GALNT10: variants seen among roughly 807,000 people sequenced by gnomAD.
GALNT10 encodes GalNAc transferase 10.
In GALNT10, 41 loss-of-function variants were observed where a neutral mutation model predicts 75.0. That is an observed-to-expected ratio of 0.55 (90% confidence interval 0.43 to 0.71). The LOEUF is 0.71. Among genes scored for constraint, GALNT10 ranks in the 30% least tolerant of loss-of-function variants. The probability of loss-of-function intolerance (pLI) is 0.00; values close to 1 mark genes in which losing one functional copy is unlikely to be tolerated. For missense variants in GALNT10, 727 were observed against 818.5 expected (o/e 0.89, Z 1.36); for synonymous variants, 302 against 313.0 (o/e 0.96, Z 0.37).
intron 4 of GALNT10, among the ~76,000 whole-genome samples, chr5:154,368,082 G>C (rs1372732220): frequency 6.6e-6 from 1 of 152,172 alleles, no homozygotes; most frequent in Non-Finnish European, 1.5e-5. Context: ...CACAGGGAAG[G>C]CTTGTTAAAA....
At chr5:154,250,147 CTT>C (rs1753491918) in intron 1 of GALNT10, among the ~76,000 whole-genome samples, 2 of 152,172 alleles carry the variant, frequency 1.3e-5, no homozygotes, top group African/African-American at 4.8e-5. Context: ...AAGTGGTAAA[CTT>C]AAACTGGCTG....
rs76584451 is a variant in GALNT10 at position 154,374,288 on chromosome 5, G to A, written c.569-1989G>A. ...GTGCACAAGCAAGAAAAGACCTGGA[G>A]CATTTTTTAGCCTTCTAGCCTCTGG... On this transcript the variant is annotated intron_variant, in intron 4 of 11. Transcript: ENST00000297107. 2.0e-3 allele frequency among the ~76,000 whole-genome samples: 306 copies of A among 152,260 alleles called. 2 individuals carry two copies. Among genetic ancestry groups the A allele is most frequent in the African/African-American group, 7.0e-3 (292 of 41,556 alleles).
intron 3 of GALNT10, among the ~76,000 whole-genome samples, chr5:154,318,314 A>G (rs907976429): frequency 2.0e-5 from 3 of 152,248 alleles, no homozygotes; most frequent in Non-Finnish European, 2.9e-5. Context: ...GGATTGTTGC[A>G]TGGCAGAGCA....
chr5:154,329,717 G>T lies in GALNT10; in HGVS notation c.547G>T (p.Val183Phe). 1.9e-6 allele frequency: 3 copies of T among 1,613,444 alleles called. No individual in the cohort carries two copies. Among genetic ancestry groups the T allele is most frequent in the Non-Finnish European group, 2.5e-6 (3 of 1,179,498 alleles). The change falls in exon 4 of 12, where the codon GTC becomes TTC. Residue 183 changes from valine (V) to phenylalanine (F), a missense_variant. Val to Phe is a conservative substitution (Grantham distance 50, BLOSUM62 -1). Coordinates refer to ENST00000297107, the MANE Select transcript of GALNT10 (RefSeq NM_198321.4). Reference protein sequence around the residue: ...PPELVAEIVLVDDFSDREHLK... With the variant: ...PPELVAEIVLFDDFSDREHLK... ...AGAGCTGGTCGCCGAGATTGTACTG[G>T]TCGACGACTTCAGTGATCGAGGTAG...
At chr5:154,270,439 C>T (rs1317665586) in intron 1 of GALNT10, among the ~76,000 whole-genome samples, 3 of 151,870 alleles carry the variant, frequency 2.0e-5, no homozygotes, top group Admixed American at 2.0e-4. Context: ...GCTTGACAGG[C>T]CTTTTACAGA....
intron 1 of GALNT10, among the ~76,000 whole-genome samples, chr5:154,225,242 G>A (rs1258684302): frequency 1.2e-4 from 18 of 150,260 alleles, no homozygotes; most frequent in South Asian, 2.1e-4. Flanking sequence ...ACAGGCACCC[G>A]CCACCATGCC....
intron 4 of GALNT10, among the ~76,000 whole-genome samples, chr5:154,367,467 G>A (rs769434395): frequency 2.0e-5 from 3 of 152,202 alleles, no homozygotes; most frequent in Non-Finnish European, 4.4e-5. Context: ...TGTGCTCAGA[G>A]ACAGGAGGAG....
intron 3 of GALNT10, among the ~76,000 whole-genome samples, chr5:154,305,431 A>G (rs1754419978): frequency 6.6e-6 from 1 of 152,224 alleles, no homozygotes; most frequent in South Asian, 2.1e-4. Context: ...CAGATTGGAT[A>G]AGAAAACAAG....
At chr5:154,388,904 AAG>A (rs1451400265) in intron 7 of GALNT10, 4 of 139,670 alleles carry the variant, frequency 2.9e-5, no homozygotes, top group Non-Finnish European at 3.1e-5. Flanking sequence ...AAAAAAAAAG[AAG>A]GAAAGAAAGA....
chr5:154,342,020 T>C (rs1281288952), intron 4 of GALNT10, among the ~76,000 whole-genome samples: 1 of 152,140 alleles, frequency 6.6e-6, no homozygotes, highest in South Asian at 2.1e-4. Flanking sequence ...CTTTTGCGGG[T>C]TGGGTGAGGA....
At chr5:154,357,047 G>C (rs973407447) in intron 4 of GALNT10, among the ~76,000 whole-genome samples, 1 of 152,160 alleles carries the variant, frequency 6.6e-6, no homozygotes, top group Non-Finnish European at 1.5e-5. Flanking sequence ...ATACATTCCC[G>C]GGTATGTTTA....
At chr5:154,327,969 G>A (rs1754780690) in intron 3 of GALNT10, among the ~76,000 whole-genome samples, 1 of 152,006 alleles carries the variant, frequency 6.6e-6, no homozygotes, top group African/African-American at 2.4e-5. Context: ...ACTAAAGGGG[G>A]ACAGACAGAG....
At chr5:154,386,575 G>C in intron 7 of GALNT10, 145 bp downstream of exon 7, 1 of 665,766 alleles carries the variant, frequency 1.5e-6, no homozygotes. Flanking sequence ...AAGAAGACAG[G>C]GGCTCATGGG....
At chr5:154,271,462 G>A (rs994391682) in intron 1 of GALNT10, among the ~76,000 whole-genome samples, 4 of 152,042 alleles carry the variant, frequency 2.6e-5, no homozygotes, top group Non-Finnish European at 5.9e-5. Flanking sequence ...ACGAAACTCC[G>A]TCTCAAAAAA....
chr5:154,225,632 G>A (rs540416361), intron 1 of GALNT10, among the ~76,000 whole-genome samples: 1 of 143,876 alleles, frequency 7.0e-6, no homozygotes, highest in East Asian at 2.3e-4. Flanking sequence ...TTGAATTCCT[G>A]AGCTCAAGCG....
chr5:154,226,501 T>C (rs1278133106), intron 1 of GALNT10, among the ~76,000 whole-genome samples: 1 of 152,216 alleles, frequency 6.6e-6, no homozygotes, highest in Non-Finnish European at 1.5e-5. Flanking sequence ...ATATTCAATA[T>C]ATTATTCTAC....
At position 154,369,994 on chromosome 5, in the gene GALNT10, G is replaced by A. The variant is rs560438440; in HGVS notation, c.569-6283G>A. Among the ~76,000 whole-genome samples the A allele has an allele frequency of 2.2e-4, 34 of 152,348 alleles. No individual in the cohort carries two copies. The South Asian group carries it at 6.8e-3, about 31-fold the overall frequency. On this transcript the variant is annotated intron_variant, in intron 4 of 11. Transcript: ENST00000297107. ...AGTGCTGTTTCTGCAAGGCTCAGTG[G>A]CATCAGAGATTGAAACTCTGAAATA...
intron 4 of GALNT10, among the ~76,000 whole-genome samples, chr5:154,375,812 C>A (rs1755645624): frequency 6.6e-6 from 1 of 152,208 alleles, no homozygotes; most frequent in African/African-American, 2.4e-5. Flanking sequence ...GGTCACATGA[C>A]CATCCCTGAA....
chr5:154,215,431 G>A (rs1409302536), intron 1 of GALNT10, among the ~76,000 whole-genome samples: 1 of 152,000 alleles, frequency 6.6e-6, no homozygotes, highest in African/African-American at 2.4e-5. Context: ...GCAGTGAGCC[G>A]AGATGGCGCC....
Sources: gnomAD v4.1 joint callset for allele counts (sites outside exome capture counted in the v4.1 genomes callset) on GRCh38, gnomAD v4.1.1 for gene constraint, MANE v1.5 for transcripts, NCBI Gene and HGNC (gene_info 2026-07-23, HGNC 2026-07-21) for gene names.